The following GDPD5 variants were observed in gnomAD, a reference collection of about 807,000 sequenced individuals.
The protein encoded by GDPD5 is glycerophosphodiester phosphodiesterase domain containing 5, also known as glycerophosphodiester phosphodiesterase 2.
Under a neutral mutation model 75.1 loss-of-function variants are expected in GDPD5, and 48 were observed. The observed-to-expected ratio is 0.64, with a 90% CI of 0.51 to 0.81. GDPD5 has a LOEUF of 0.81. Among genes scored for constraint, GDPD5 ranks in the 40% least tolerant of loss-of-function variants. GDPD5 has a pLI of 0.00. For synonymous variants in GDPD5, 336 were observed against 339.0 expected, an observed-to-expected ratio of 0.99 and a Z score of 0.10; for missense variants, 706 against 822.6, an observed-to-expected ratio of 0.86 and a Z score of 1.73.
chr11:75,518,858 T>A (rs1592170767), intron 1 of GDPD5, among the ~76,000 whole-genome samples: 1 of 151,916 alleles, frequency 6.6e-6, no homozygotes, highest in African/African-American at 2.4e-5. Flanking sequence ...GGTGAGAGAG[T>A]GAGACATTCT....
At chr11:75,504,956 T>A (rs1288603444) in intron 1 of GDPD5, among the ~76,000 whole-genome samples, 1 of 151,960 alleles carries the variant, frequency 6.6e-6, no homozygotes. Context: ...TGAAACCCAG[T>A]CTCTATTAAA....
At position 75,435,632 on chromosome 11, in the gene GDPD5, A is replaced by G; in HGVS notation, c.1693T>C (p.Ser565Pro). The G allele has an allele frequency of 6.2e-7, 1 of 1,612,924 alleles. No individual in the cohort carries two copies. The highest frequency in any genetic ancestry group is 1.1e-5 in the South Asian group (1 of 90,948). Reference sequence around the variant, plus strand: ...TCTGAACATACGGAGAGCACATCGGAGACCTCTACACCATCGCTGATCTCT... The same window carrying G: ...TCTGAACATACGGAGAGCACATCGGGGACCTCTACACCATCGCTGATCTCT... ...FSEISDGVEV[S>P]DVLSVCSDNS... is the part of the protein sequence containing the mutation. The change falls in exon 17 of 17, where the codon TCC becomes CCC. Residue 565 changes from serine (S) to proline (P), a missense_variant. Coordinates refer to ENST00000336898, the MANE Select transcript of GDPD5 (RefSeq NM_030792.8).
chr11:75,474,148 C>G (rs1949732221), intron 3 of GDPD5, among the ~76,000 whole-genome samples: 1 of 152,210 alleles, frequency 6.6e-6, no homozygotes, highest in African/African-American at 2.4e-5. Context: ...GAATAACTCC[C>G]TTGCTCTTCC....
chr11:75,523,979 C>G (rs749029975), intron 1 of GDPD5, among the ~76,000 whole-genome samples: 2 of 152,344 alleles, frequency 1.3e-5, no homozygotes, highest in Non-Finnish European at 1.5e-5. Context: ...CAGACCAAGG[C>G]CATATCCCCT....
Position 75,477,781 on chromosome 11 carries a change from G to A in GDPD5, c.-46C>T. 1.4e-6 allele frequency: 2 copies of A among 1,381,958 alleles called. No homozygotes were observed. The highest frequency in any genetic ancestry group is 2.0e-6 in the Non-Finnish European group (2 of 1,009,226). The allele number at this position is 1,381,958 out of a possible 1,614,324, so 85.6% of individuals were successfully genotyped here. On this transcript the variant is annotated 5_prime_UTR_variant, in exon 3 of 17. Coordinates refer to ENST00000336898, the MANE Select transcript of GDPD5 (RefSeq NM_030792.8). ...CGCCTGGCCCTCAGGCGCCCATGGA[G>A]GCCCCCAGCTTGTCCTGCAGGAGGA...
Position 75,496,798 on chromosome 11 carries a change from T to C in GDPD5, c.-144-6478A>G, listed in dbSNP as rs1296147704. On this transcript the variant is annotated intron_variant, in intron 1 of 16. Coordinates refer to ENST00000336898, the MANE Select transcript of GDPD5 (RefSeq NM_030792.8). Reference sequence around the variant, plus strand: ...TTCTTTCTTTTTTTTTTTTTTTTTTTGTGACGGAGTCTCGCTCTGTTATTC... The same window carrying C: ...TTCTTTCTTTTTTTTTTTTTTTTTTCGTGACGGAGTCTCGCTCTGTTATTC... Among the ~76,000 whole-genome samples, 3 of 148,366 alleles carry C rather than the reference T, an allele frequency of 2.0e-5. No individual in the cohort carries two copies. In the South Asian group the frequency reaches 6.5e-4, roughly 32 times the overall value.
chr11:75,445,312 G>T (rs545202693), intron 9 of GDPD5, among the ~76,000 whole-genome samples: 3 of 152,136 alleles, frequency 2.0e-5, no homozygotes, highest in African/African-American at 7.2e-5. Flanking sequence ...ACCACACCCA[G>T]CTCTGGTTCT....
intron 1 of GDPD5, among the ~76,000 whole-genome samples, chr11:75,517,821 C>T (rs936727125): frequency 1.3e-5 from 2 of 152,036 alleles, no homozygotes; most frequent in African/African-American, 4.8e-5. Flanking sequence ...AAAAAAAATC[C>T]TCTGACATTC....
chr11:75,496,395 C>G (rs1431918617), intron 1 of GDPD5, among the ~76,000 whole-genome samples: 1 of 152,214 alleles, frequency 6.6e-6, no homozygotes, highest in Non-Finnish European at 1.5e-5. Context: ...GAGGAGTGAG[C>G]AGGAGACTGA....
chr11:75,444,357 G>T, intron 10 of GDPD5, 56 bp downstream of exon 10: 1 of 1,301,994 alleles, frequency 7.7e-7, no homozygotes, highest in Non-Finnish European at 1.1e-6. Flanking sequence ...AGACCCAGGT[G>T]GATGCCGAAG....
At position 75,442,901 on chromosome 11, in the gene GDPD5, C is replaced by A. The variant is rs1000099884; in HGVS notation, c.948+235G>T. Reference sequence around the variant, plus strand: ...ACAGAGTTAAGAATTCTATTCACTGCTCTCATCCCTGTCAACCTTTTCTAG... The same window carrying A: ...ACAGAGTTAAGAATTCTATTCACTGATCTCATCCCTGTCAACCTTTTCTAG... On this transcript the variant is annotated intron_variant, in intron 11 of 16. Transcript: ENST00000336898. 23 of 616,908 alleles carry A rather than the reference C, an allele frequency of 3.7e-5. No individual in the cohort carries two copies. In the African/African-American group the frequency reaches 3.9e-4, roughly 10 times the overall value. 38.2% of individuals were successfully genotyped at this position (616,908 alleles called of 1,614,324 possible). A position where few individuals can be genotyped will look rare whatever the true frequency, so the allele number is the denominator to read the frequency against.
intron 8 of GDPD5, among the ~76,000 whole-genome samples, 179 bp from the exon 9 acceptor site, chr11:75,449,301 A>T (rs553841557): frequency 2.0e-5 from 3 of 152,264 alleles, no homozygotes; most frequent in Non-Finnish European, 4.4e-5. Flanking sequence ...ACATGCAGAG[A>T]GAGAGACATG....
At chr11:75,470,575 C>T (rs866321645) in intron 3 of GDPD5, among the ~76,000 whole-genome samples, 20 of 152,222 alleles carry the variant, frequency 1.3e-4, no homozygotes, top group South Asian at 1.2e-3. Flanking sequence ...GTCACGTGTG[C>T]GGAGAGAGGT....
chr11:75,450,139 G>A (rs1949100512), intron 6 of GDPD5, among the ~76,000 whole-genome samples, 156 bp from the exon 7 acceptor site: 1 of 152,208 alleles, frequency 6.6e-6, no homozygotes, highest in Admixed American at 6.5e-5. Context: ...TGGGCTGCCA[G>A]GAAACTAGAG....
Position 75,439,922 on chromosome 11 carries a change from G to C in GDPD5, c.1513C>G (p.Leu505Val). ...CCCACGATGAGGGTGAAGGAGACCA[G>C]GTCGGCAGTGACCCACATGAGACAG... Reference protein sequence around the residue: ...EYCLMWVTADLVSFTLIVGIF... With the variant: ...EYCLMWVTADVVSFTLIVGIF... The change falls in exon 15 of 17, where the codon CTG becomes GTG. Residue 505 changes from leucine to valine, a missense_variant. Physicochemically the swap from Leu to Val is conservative, Grantham distance 32. Coordinates refer to ENST00000336898, the MANE Select transcript of GDPD5 (RefSeq NM_030792.8). The C allele has an allele frequency of 1.2e-6, 2 of 1,613,972 alleles. No homozygotes were observed. Among genetic ancestry groups the C allele is most frequent in the Non-Finnish European group, 1.7e-6 (2 of 1,179,926 alleles).
intron 5 of GDPD5, 41 bp downstream of exon 5, chr11:75,457,652 T>C: frequency 6.4e-7 from 1 of 1,566,656 alleles, no homozygotes; most frequent in Non-Finnish European, 8.8e-7. Context: ...TCCCTTCCCC[T>C]GGGAGCAGGG....
chr11:75,519,060 C>T (rs1340060313), intron 1 of GDPD5, among the ~76,000 whole-genome samples: 2 of 152,156 alleles, frequency 1.3e-5, no homozygotes, highest in African/African-American at 4.8e-5. Context: ...GTCAGACCAG[C>T]AGCCCACACT....
intron 3 of GDPD5, among the ~76,000 whole-genome samples, chr11:75,465,063 G>T (rs570127360): frequency 2.0e-5 from 3 of 152,276 alleles, no homozygotes; most frequent in African/African-American, 7.2e-5. Context: ...CAGCTGGTGA[G>T]TCCCAGGCCA....
At chr11:75,441,063 T>C (rs923683034) in intron 14 of GDPD5, 100 bp downstream of exon 14, 5 of 1,225,592 alleles carry the variant, frequency 4.1e-6, no homozygotes, top group Non-Finnish European at 4.7e-6. Flanking sequence ...GCTAGAGACC[T>C]CCCAGGGACA....
Sources: gnomAD v4.1 joint callset for allele counts (sites outside exome capture counted in the v4.1 genomes callset) on GRCh38, gnomAD v4.1.1 for gene constraint, MANE v1.5 for transcripts, NCBI Gene and HGNC (gene_info 2026-07-23, HGNC 2026-07-21) for gene names.